LIX1: variants seen among roughly 807,000 people sequenced by gnomAD.
LIX1 encodes limb and CNS expressed 1.
Under a neutral mutation model 33.4 loss-of-function variants are expected in LIX1, and 24 were observed. That is an observed-to-expected ratio of 0.72 (90% CI 0.52 to 1.01). The LOEUF (loss-of-function observed/expected upper bound fraction) is 1.01, where lower values mean the gene tolerates loss of function less well. Among genes scored for constraint, LIX1 ranks in the 50% least tolerant of loss-of-function variants. LIX1 has a pLI of 0.00. For missense variants in LIX1, 311 were observed against 339.2 expected (o/e 0.92, Z 0.65); for synonymous variants, 124 against 124.0 (o/e 1.00, Z 0.00).
intron 1 of LIX1, among the ~76,000 whole-genome samples, chr5:97,141,312 C>T (rs1366278472): frequency 6.6e-6 from 1 of 152,142 alleles, no homozygotes; most frequent in Non-Finnish European, 1.5e-5. Flanking sequence ...CCTGAATAGA[C>T]TCCAGGCTAG....
chr5:97,138,012 G>A (rs1197687790), intron 1 of LIX1, among the ~76,000 whole-genome samples: 1 of 151,988 alleles, frequency 6.6e-6, no homozygotes, highest in African/African-American at 2.4e-5. Context: ...TTTCCAAAGG[G>A]CAAAAAACGT....
At chr5:97,113,824 T>A (rs1198300218) in intron 2 of LIX1, among the ~76,000 whole-genome samples, 1 of 152,248 alleles carries the variant, frequency 6.6e-6, no homozygotes, top group Non-Finnish European at 1.5e-5. Flanking sequence ...ATGGGTCATT[T>A]TGATATAAGA....
intron 2 of LIX1, among the ~76,000 whole-genome samples, chr5:97,112,577 G>C (rs1438727644): frequency 1.3e-5 from 2 of 152,104 alleles, no homozygotes; most frequent in Admixed American, 6.5e-5. Context: ...GACAACTTCT[G>C]TCCTTTGCAC....
intron 4 of LIX1, among the ~76,000 whole-genome samples, chr5:97,103,685 G>A (rs1433025269): frequency 6.6e-6 from 1 of 152,208 alleles, no homozygotes; most frequent in East Asian, 1.9e-4. Flanking sequence ...GATGACTAAG[G>A]CCGGGCACGG....
chr5:97,131,227 C>T (rs938630927), intron 1 of LIX1, among the ~76,000 whole-genome samples: 11 of 151,878 alleles, frequency 7.2e-5, no homozygotes, highest in African/African-American at 2.7e-4. Context: ...CATCACACCT[C>T]CCTGAACACA....
chr5:97,104,350 A>C (rs1230777959), intron 4 of LIX1, among the ~76,000 whole-genome samples: 1 of 152,090 alleles, frequency 6.6e-6, no homozygotes, highest in Admixed American at 6.5e-5. Context: ...TGGATGTTCA[A>C]CTGCACTGGA....
intron 1 of LIX1, among the ~76,000 whole-genome samples, chr5:97,130,561 C>G (rs1257412393): frequency 2.6e-5 from 4 of 152,176 alleles, no homozygotes; most frequent in African/African-American, 9.7e-5. Flanking sequence ...AGCTGAGCAA[C>G]ACTTCTGGTT....
intron 4 of LIX1, among the ~76,000 whole-genome samples, chr5:97,103,920 A>G (rs1175597483): frequency 1.3e-5 from 2 of 151,202 alleles, no homozygotes; most frequent in Non-Finnish European, 3.0e-5. Flanking sequence ...AGCCAAGATC[A>G]GGCCACTGCA....
chr5:97,123,555 CTCAGCCATTTAAATCGTTTAAA>C (rs1208549543), intron 2 of LIX1, among the ~76,000 whole-genome samples: 1 of 152,222 alleles, frequency 6.6e-6, no homozygotes, highest in Non-Finnish European at 1.5e-5. Context: ...CTTTCAGCCT[CTCAGCCATTTAAATCGTTTAAA>C]TCCAAAGCAT....
chr5:97,104,490 A>T (rs1746905728), intron 4 of LIX1, among the ~76,000 whole-genome samples: 1 of 152,218 alleles, frequency 6.6e-6, no homozygotes, highest in South Asian at 2.1e-4. Context: ...CCTAGCTTCA[A>T]TGATAACATG....
intron 4 of LIX1, 81 bp from the exon 5 acceptor site, chr5:97,096,968 C>A: frequency 9.8e-7 from 1 of 1,022,848 alleles, no homozygotes; most frequent in Non-Finnish European, 1.5e-6. Context: ...AACTCTAATT[C>A]CCAAATATAT....
At chr5:97,107,177 A>ATG (rs1021088473) in intron 3 of LIX1, among the ~76,000 whole-genome samples, 183 bp downstream of exon 3, 1 of 152,238 alleles carries the variant, frequency 6.6e-6, no homozygotes, top group Non-Finnish European at 1.5e-5. Context: ...TATTATTGAG[A>ATG]TGTGTGATAT....
At chr5:97,099,174 C>G (rs1044046978) in intron 4 of LIX1, among the ~76,000 whole-genome samples, 1 of 152,196 alleles carries the variant, frequency 6.6e-6, no homozygotes, top group African/African-American at 2.4e-5. Context: ...TCTTCCTGCC[C>G]TTGTTCAGAC....
intron 2 of LIX1, among the ~76,000 whole-genome samples, chr5:97,109,435 G>A (rs1179334298): frequency 6.6e-6 from 1 of 151,974 alleles, no homozygotes; most frequent in African/African-American, 2.4e-5. Context: ...TGTATTTTTT[G>A]TAGAGACAGG....
At chr5:97,140,850 G>C (rs1748271838) in intron 1 of LIX1, among the ~76,000 whole-genome samples, 1 of 152,074 alleles carries the variant, frequency 6.6e-6, no homozygotes, top group Admixed American at 6.6e-5. Context: ...TCCATTCTAG[G>C]GTAAACAGGC....
chr5:97,134,051 G>T (rs1439073111), intron 1 of LIX1, among the ~76,000 whole-genome samples: 1 of 152,096 alleles, frequency 6.6e-6, no homozygotes, highest in Non-Finnish European at 1.5e-5. Flanking sequence ...TTCTCTTGTC[G>T]AAAACAAAGA....
intron 4 of LIX1, among the ~76,000 whole-genome samples, chr5:97,103,366 T>C (rs10070317): frequency 0.016 from 2,410 of 152,310 alleles, 58 homozygotes; most frequent in African/African-American, 0.055. Context: ...GTTGTTCATC[T>C]TCACTGAGCA....
At position 97,093,942 on chromosome 5, in the gene LIX1, C is replaced by T. The variant is rs140145574; in HGVS notation, c.*806G>A. The T allele has an allele frequency of 0.019, 2,919 of 152,284 alleles. 52 individuals are homozygous for T. The highest frequency in any genetic ancestry group is 0.027 in the Non-Finnish European group (1,839 of 67,996). 9.4% of individuals were successfully genotyped at this position (152,284 alleles called of 1,614,324 possible). A position where few individuals can be genotyped will look rare whatever the true frequency, so the allele number is the denominator to read the frequency against. On this transcript the variant is annotated 3_prime_UTR_variant, in exon 6 of 6. Coordinates refer to ENST00000274382, the MANE Select transcript of LIX1 (RefSeq NM_153234.5). ...TTTTCTCTCTGTAGATATATGTTTG[C>T]AGTGGCAAAAAATAAGAACAAATTA...
chr5:97,109,774 C>G (rs926457095), intron 2 of LIX1, among the ~76,000 whole-genome samples: 1 of 151,884 alleles, frequency 6.6e-6, no homozygotes, highest in Admixed American at 6.6e-5. Flanking sequence ...GCCCAAAGTC[C>G]ATTATATTAT....
Sources: allele counts gnomAD v4.1 joint callset (sites outside exome capture counted in the v4.1 genomes callset), GRCh38; gene constraint gnomAD v4.1.1; transcripts MANE v1.5; gene names NCBI Gene and HGNC (gene_info 2026-07-23, HGNC 2026-07-21).